LAMC3: variants seen among roughly 807,000 people sequenced by gnomAD.
LAMC3 encodes laminin subunit gamma-3.
In LAMC3, 128 loss-of-function variants were observed where a neutral mutation model predicts 173.8. That is an observed-to-expected ratio of 0.74 (90% CI 0.64 to 0.85). LAMC3 has a LOEUF of 0.85. LAMC3 is among the 40% of genes least tolerant of loss of function. The pLI, the probability that LAMC3 is intolerant of heterozygous loss-of-function variation, is 0.00. For synonymous variants in LAMC3, 897 were observed against 909.1 expected (o/e 0.99, Z 0.24); for missense variants, 2,022 against 2,156.0 (o/e 0.94, Z 1.23).
At chr9:131,045,019 T>C (rs1479320495) in intron 7 of LAMC3, among the ~76,000 whole-genome samples, 1 of 151,990 alleles carries the variant, frequency 6.6e-6, no homozygotes, top group Non-Finnish European at 1.5e-5. Context: ...GGTCAGGAGT[T>C]CGAGGTCAAC....
rs369055185 is a variant in LAMC3 at position 131,091,710 on chromosome 9, G to T, written c.4651G>T (p.Ala1551Ser). 2.5e-6 allele frequency: 4 copies of T among 1,612,318 alleles called. No individual in the cohort carries two copies. The highest frequency in any genetic ancestry group is 3.4e-6 in the Non-Finnish European group (4 of 1,179,512). ...LQIQGFESDL[A>S]EIRADKQNLE... ...GATCCAGGGCTTCGAGAGTGACCTC[G>T]CCGAGATCCGCGCCGACAAACAGAA... Residue 1551 changes from alanine (A) to serine (S), a missense_variant, in exon 28 of 28, where the codon GCC becomes TCC. Physicochemically the swap from Ala to Ser is moderately conservative, Grantham distance 99. Transcript: ENST00000361069.
Position 131,009,945 on chromosome 9 carries a change from G to C in LAMC3, c.373+358G>C, listed in dbSNP as rs1422302773. ...GAGGCGGGCGGATCACCTGAGGTCA[G>C]GAGTTCGAGACCAGCCTGGCCAACA... On this transcript the variant is annotated intron_variant, in intron 1 of 27. Transcript: ENST00000361069. This position sits in a 1 kb window ranked among gnomAD's most constrained non-coding sequence, Gnocchi z 4.3. Among the ~76,000 whole-genome samples, 1 of 152,024 alleles carries C rather than the reference G, an allele frequency of 6.6e-6. No individual in the cohort carries two copies. The highest frequency in any genetic ancestry group is 6.6e-5 in the Admixed American group (1 of 15,254).
At chr9:131,030,013 T>C (rs887588824) in intron 2 of LAMC3, among the ~76,000 whole-genome samples, 3 of 151,578 alleles carry the variant, frequency 2.0e-5, no homozygotes, top group African/African-American at 7.3e-5. Context: ...CGATCTTGGC[T>C]CACCGCAACC....
chr9:131,046,600 G>T lies in LAMC3; in HGVS notation c.1519+940G>T, dbSNP rs541977932. Among the ~76,000 whole-genome samples the T allele has an allele frequency of 5.3e-5, 7 of 132,882 alleles. No homozygotes were observed. The South Asian group carries it at 1.7e-3, about 33-fold the overall frequency. 87.2% of individuals were successfully genotyped at this position (132,882 alleles called of 152,430 possible). A position where few individuals can be genotyped will look rare whatever the true frequency, so the allele number is the denominator to read the frequency against. ...GCTGGTCTAGAACTCCTGAGCTCAG[G>T]CAATCCCGCCCACCTCGGCTTCCCA... On this transcript the variant is annotated intron_variant, in intron 8 of 27. Transcript: ENST00000361069.
chr9:131,019,012 C>A (rs1833580909), intron 1 of LAMC3, among the ~76,000 whole-genome samples: 1 of 152,224 alleles, frequency 6.6e-6, no homozygotes, highest in African/African-American at 2.4e-5. Flanking sequence ...CCTCTAATCC[C>A]AGCACTTTGG....
chr9:131,026,374 G>A lies in LAMC3; in HGVS notation c.463G>A (p.Gly155Ser), dbSNP rs753037720. The change falls in exon 2 of 28, where the codon GGC becomes AGC. Residue 155 changes from glycine (G) to serine (S), a missense_variant. Gly to Ser is a moderately conservative substitution (Grantham distance 56). Transcript: ENST00000361069. The surrounding 1 kb of genome is among the most constrained non-coding windows in gnomAD (Gnocchi z 4.8). ...FAIYKRSRAD[G>S]PWEPYQFYSA... Reference sequence around the variant, plus strand: ...CATCTACAAGCGCAGCCGCGCCGACGGCCCATGGGAGCCCTACCAGTTCTA... The same window carrying A: ...CATCTACAAGCGCAGCCGCGCCGACAGCCCATGGGAGCCCTACCAGTTCTA... 7.4e-6 allele frequency: 12 copies of A among 1,614,012 alleles called. No homozygotes were observed. The highest frequency in any genetic ancestry group is 4.5e-5 in the East Asian group (2 of 44,894).
intron 14 of LAMC3, 23 bp from the exon 15 acceptor site, chr9:131,068,055 C>T (rs1251904633): frequency 6.2e-7 from 1 of 1,606,540 alleles, no homozygotes; most frequent in Non-Finnish European, 8.5e-7. Context: ...GTTCCCAACA[C>T]CCCTTCCTGC....
chr9:131,032,259 G>A (rs531384231), intron 3 of LAMC3, 84 bp downstream of exon 3: 4 of 338,682 alleles, frequency 1.2e-5, no homozygotes, highest in East Asian at 2.1e-4. Context: ...GGTGGGGGGT[G>A]GGGGGGCACA....
chr9:131,085,328 A>C (rs1004672190), intron 24 of LAMC3, among the ~76,000 whole-genome samples, 196 bp from the exon 25 acceptor site: 2 of 152,164 alleles, frequency 1.3e-5, no homozygotes, highest in Non-Finnish European at 2.9e-5. Flanking sequence ...TTCCCCAAGC[A>C]GTATGTCTGT....
Position 131,039,119 on chromosome 9 carries a change from T to G in LAMC3, c.1166-12T>G. On this transcript the variant is annotated splice_polypyrimidine_tract_variant and intron_variant, in intron 5 of 27. Transcript: ENST00000361069. The stretch of plus-strand genomic sequence containing the variant: ...TCCTGGCCTCAATTGCCCTGTGCCC[T>G]TCCTCTCCCAGGCTCCCTACACCTC... The G allele has an allele frequency of 6.2e-7, 1 of 1,611,560 alleles. No homozygotes were observed. The highest frequency in any genetic ancestry group is 8.5e-7 in the Non-Finnish European group (1 of 1,179,908).
chr9:131,032,027 C>G lies in LAMC3; in HGVS notation c.679-18C>G, dbSNP rs1317396388. The G allele has an allele frequency of 6.2e-7, 1 of 1,614,046 alleles. No individual in the cohort carries two copies. Among genetic ancestry groups the G allele is most frequent in the Non-Finnish European group, 8.5e-7 (1 of 1,180,046 alleles). On this transcript the variant is annotated intron_variant, in intron 2 of 27. Coordinates refer to ENST00000361069, the MANE Select transcript of LAMC3 (RefSeq NM_006059.4). Reference sequence around the variant, plus strand: ...TACTCAGGAACCTGCTGATGGCACCCTCTCCCCTCTGCCCCAGGAGTGGGT... The same window carrying G: ...TACTCAGGAACCTGCTGATGGCACCGTCTCCCCTCTGCCCCAGGAGTGGGT...
Position 131,052,512 on chromosome 9 carries a change from G to C in LAMC3, c.1652G>C (p.Arg551Pro). The C allele has an allele frequency of 6.2e-7, 1 of 1,614,144 alleles. No individual in the cohort carries two copies. The highest frequency in any genetic ancestry group is 1.6e-4 in the Middle Eastern group (1 of 6,062). The change falls in exon 10 of 28, where the codon CGG (arginine) becomes CCG (proline). Residue 551 changes from arginine to proline, a missense_variant. Coordinates refer to ENST00000361069, the MANE Select transcript of LAMC3 (RefSeq NM_006059.4). ...TAPEKFLGDQ[R>P]FSYGQPLILT... ...TCAGAGAAGTTCCTGGGAGACCAGCGGTTCAGCTATGGGCAGCCCCTCATA... is the reference window on the plus strand; with the variant it reads ...TCAGAGAAGTTCCTGGGAGACCAGCCGTTCAGCTATGGGCAGCCCCTCATA...
At chr9:131,069,636 T>C in intron 16 of LAMC3, 36 bp from the exon 17 acceptor site, 2 of 1,580,872 alleles carry the variant, frequency 1.3e-6, no homozygotes, top group Non-Finnish European at 1.7e-6. Flanking sequence ...CCCTGGCCCC[T>C]CTAAACCCAG....
intron 15 of LAMC3, 148 bp from the exon 16 acceptor site, chr9:131,068,760 C>T: frequency 1.3e-6 from 1 of 771,412 alleles, no homozygotes; most frequent in Non-Finnish European, 2.1e-6. Context: ...CAGAGCACAG[C>T]TGGGGAAGCT....
intron 22 of LAMC3, among the ~76,000 whole-genome samples, chr9:131,078,866 T>G (rs1307783559): frequency 1.3e-5 from 2 of 152,206 alleles, no homozygotes; most frequent in Non-Finnish European, 2.9e-5. Context: ...AGGACTGTCA[T>G]CTGAGCCCCA....
At chr9:131,024,794 C>G (rs964164955) in intron 1 of LAMC3, among the ~76,000 whole-genome samples, 1 of 152,138 alleles carries the variant, frequency 6.6e-6, no homozygotes, top group Non-Finnish European at 1.5e-5. Context: ...AAGAGACGCC[C>G]GGTGCCGACG....
At chr9:131,079,037 C>A in intron 22 of LAMC3, 112 bp from the exon 23 acceptor site, 1 of 1,363,666 alleles carries the variant, frequency 7.3e-7, no homozygotes, top group Non-Finnish European at 1.0e-6. Context: ...TCTTGGCTGG[C>A]AGCCAGGGGC....
At chr9:131,045,447 C>T (rs1005611117) in intron 7 of LAMC3, 77 bp from the exon 8 acceptor site, 1 of 1,544,420 alleles carries the variant, frequency 6.5e-7, no homozygotes, top group African/African-American at 1.4e-5. Context: ...CTCATTGGTC[C>T]AGCTGGGATA....
At chr9:131,044,994 G>A (rs987584968) in intron 7 of LAMC3, among the ~76,000 whole-genome samples, 1 of 152,024 alleles carries the variant, frequency 6.6e-6, no homozygotes, top group Non-Finnish European at 1.5e-5. Flanking sequence ...AGGCTGAGGC[G>A]GGCGGATCCC....
Sources: gnomAD v4.1 joint callset for allele counts (sites outside exome capture counted in the v4.1 genomes callset) on GRCh38, gnomAD v4.1.1 for gene constraint, Gnocchi (gnomAD v3.1) non-coding constraint, MANE v1.5 for transcripts, NCBI Gene and HGNC (gene_info 2026-07-23, HGNC 2026-07-21) for gene names.